The following FAM111A variants were observed in gnomAD, a reference collection of about 807,000 sequenced individuals.
The protein encoded by FAM111A is FAM111 trypsin like peptidase A, also known as serine protease FAM111A.
Under a neutral mutation model 3.3 loss-of-function variants are expected in FAM111A, and 8 were observed. The ratio of observed to expected loss-of-function variants is 2.39; its 90% confidence interval spans 1.40 to 4.32. FAM111A has a LOEUF of 4.32. Among genes scored for constraint, FAM111A ranks in the 30% most tolerant of loss-of-function variants. The pLI, the probability that FAM111A is intolerant of heterozygous loss-of-function variation, is 0.00. For missense variants in FAM111A, 683 were observed against 727.6 expected (o/e 0.94, Z 0.71); for synonymous variants, 227 against 243.1 (o/e 0.93, Z 0.62).
Position 59,152,821 on chromosome 11 carries a change from CA to C in FAM111A, c.1154del (p.His385LeufsTer2), listed in dbSNP as rs775942460. ...AGGATTGTTCATTTTAACTTGTCGG[CA>C]TGTAATAGATAGCATTGTGGGAGAC... is the stretch of plus-strand genomic sequence containing the variant. ...FKGLFILTCR[H>X]VIDSIVGDGI... On this transcript the variant is annotated frameshift_variant, in exon 6 of 6. Transcript: ENST00000675163. LOFTEE classifies it low-confidence loss of function (END_TRUNC). 3.1e-6 allele frequency: 5 copies of C among 1,613,982 alleles called. No homozygotes were observed. In the Admixed American group the frequency reaches 8.3e-5, roughly 27 times the overall value.
In FAM111A at chr11:59,153,738, G is replaced by A; in HGVS notation, c.*234G>A. On this transcript the variant is annotated 3_prime_UTR_variant, in exon 6 of 6. Transcript: ENST00000675163. ...TTTTTTTGAGACTGAGTCTCACTCT[G>A]TCGCCTGGGCTGGAGTACAGTGGTG... 1 of 345,420 alleles carries A rather than the reference G, an allele frequency of 2.9e-6. No individual in the cohort carries two copies. The highest frequency in any genetic ancestry group is 5.2e-6 in the Non-Finnish European group (1 of 193,550). 21.4% of individuals were successfully genotyped at this position (345,420 alleles called of 1,614,324 possible).
chr11:59,153,337 G>A lies in FAM111A; in HGVS notation c.1669G>A (p.Ala557Thr). ...DSKGSLVAMH[A>T]AGFAYTYQNE... ...AAAAGGTTCATTGGTGGCCATGCAT[G>A]CTGCTGGCTTTGCTTATACTTACCA... is the stretch of plus-strand genomic sequence containing the variant. The change falls in exon 6 of 6, where the codon GCT (alanine) becomes ACT (threonine). Residue 557 changes from alanine (A) to threonine (T), a missense_variant. Around this residue, in one of 3 missense-constraint regions of FAM111A, gnomAD observed 122 missense variants for 110.9 expected, o/e 1.10. Transcript: ENST00000675163. 6.2e-7 allele frequency: 1 copy of A among 1,614,164 alleles called. No individual in the cohort carries two copies.
chr11:59,151,896 G>A lies in FAM111A; in HGVS notation c.228G>A (p.Arg76=), dbSNP rs150476285. The change falls in exon 6 of 6, where the codon AGG becomes AGA. Residue 76 remains arginine (R), a synonymous_variant. Transcript: ENST00000675163. The part of the protein sequence containing the change: ...NPEDQTMPQN[R]TIYVTLKVNH... ...AAGACCAGACCATGCCCCAAAATAG[G>A]ACAATATATGTTACCTTGAAGGTAA... 41 of 1,613,970 alleles carry A rather than the reference G, an allele frequency of 2.5e-5. No individual in the cohort carries two copies. Among genetic ancestry groups the A allele is most frequent in the Non-Finnish European group, 2.9e-5 (34 of 1,180,030 alleles).
chr11:59,153,260 C>T lies in FAM111A; in HGVS notation c.1592C>T (p.Thr531Ile), dbSNP rs1434152011. The T allele has an allele frequency of 2.5e-6, 4 of 1,614,130 alleles. No individual in the cohort carries two copies. Among genetic ancestry groups the T allele is most frequent in the Admixed American group, 3.3e-5 (2 of 60,022 alleles). The change falls in exon 6 of 6, where the codon ACC becomes ATC. Residue 531 changes from threonine (T) to isoleucine (I), a missense_variant. Thr to Ile is a moderately conservative substitution (Grantham distance 89). Around this residue, in one of 3 missense-constraint regions of FAM111A, gnomAD observed 122 missense variants for 110.9 expected, o/e 1.10. Transcript: ENST00000675163. ...QKIVHNPDVI[T>I]YDTEFFFGAS... is the part of the protein sequence containing the mutation. The stretch of plus-strand genomic sequence containing the variant: ...ATAGTTCACAACCCTGATGTGATTA[C>T]CTATGACACTGAATTTTTCTTTGGG...
intron 3 of FAM111A, chr11:59,144,945 GGCGCGGCCGCGGCGGGCTC>G (rs1860636550): frequency 6.6e-6 from 1 of 152,668 alleles, no homozygotes; most frequent in South Asian, 2.1e-4. Context: ...CGCGGTCACG[GGCGCGGCCGCGGCGGGCTC>G]GAGTCCCGGC....
rs1448617903 is a variant in FAM111A, at chr11:59,152,309, A to G, written c.641A>G (p.Tyr214Cys). Residue 214 changes from tyrosine to cysteine, a missense_variant, in exon 6 of 6, where the codon TAT (tyrosine) becomes TGT (cysteine). Transcript: ENST00000675163. ...AAAAAGGGGCGCAAACTCTGTGTTTATGCTTTCAAAGGAGAAACCATCAAG... is the reference window on the plus strand; with the variant it reads ...AAAAAGGGGCGCAAACTCTGTGTTTGTGCTTTCAAAGGAGAAACCATCAAG... ...LHKKGRKLCV[Y>C]AFKGETIKDA... The G allele has an allele frequency of 2.5e-6, 4 of 1,614,114 alleles. No homozygotes were observed. The highest frequency in any genetic ancestry group is 4.5e-5 in the East Asian group (2 of 44,900).
Position 59,151,793 on chromosome 11 carries a change from G to T in FAM111A, c.125G>T (p.Arg42Met), listed in dbSNP as rs781769636. The T allele has an allele frequency of 1.2e-6, 2 of 1,608,400 alleles. No individual in the cohort carries two copies. The highest frequency in any genetic ancestry group is 3.4e-5 in the Admixed American group (2 of 58,428). ...QQNNCSTSLM[R>M]MESRGDPRAT... ...AATAATTGCAGTACTTCTCTAATGA[G>T]GATGGAGTCTAGAGGAGACCCAAGA... Residue 42 changes from arginine (R) to methionine (M), a missense_variant, in exon 6 of 6, where the codon AGG (arginine) becomes ATG (methionine). This residue lies in a region of FAM111A where 557 missense variants were observed against 600.2 expected (regional missense o/e 0.93). Transcript: ENST00000675163.
At chr11:59,143,047 T>G (rs1295156887) in intron 1 of FAM111A, 36 bp from the exon 2 acceptor site, 1 of 152,294 alleles carries the variant, frequency 6.6e-6, no homozygotes, top group African/African-American at 2.4e-5. Context: ...CCCCTCGGCC[T>G]TGCCTTTCCA....
intron 4 of FAM111A, 107 bp downstream of exon 4, chr11:59,145,963 C>CTA (rs1444173015): frequency 3.9e-4 from 57 of 146,258 alleles, no homozygotes; most frequent in African/African-American, 1.3e-3. Context: ...TATGCTCTCT[C>CTA]TCTCTCTCTA....
intron 5 of FAM111A, among the ~76,000 whole-genome samples, chr11:59,151,263 G>A (rs183156598): frequency 2.5e-3 from 384 of 152,158 alleles, no homozygotes; most frequent in African/African-American, 8.9e-3. Flanking sequence ...CATTTCTCCA[G>A]CCTCAGCCTC....
chr11:59,152,180 T>G lies in FAM111A; in HGVS notation c.512T>G (p.Phe171Cys). 3 of 1,614,044 alleles carry G rather than the reference T, an allele frequency of 1.9e-6. No individual in the cohort carries two copies. The East Asian group carries it at 6.7e-5, about 36-fold the overall frequency. Reference protein sequence around the residue: ...KSKQKEDNHIFGRQDKASTEC... With the variant: ...KSKQKEDNHICGRQDKASTEC... ...AAGCAGAAGGAAGATAACCACATAT[T>G]TGGCAGGCAGGACAAAGCATCGACT... The change falls in exon 6 of 6, where the codon TTT (phenylalanine) becomes TGT (cysteine). Residue 171 changes from phenylalanine (F) to cysteine (C), a missense_variant. Coordinates refer to ENST00000675163, the MANE Select transcript of FAM111A (RefSeq NM_001312909.2).
rs369758756 is a variant in FAM111A at position 59,152,557 on chromosome 11, G to T, written c.889G>T (p.Val297Leu). Reference sequence around the variant, plus strand: ...CACCTGTGTGTTGAGAGAACAAATCGTGGCTCAGTACCCCAGTTTGAAAAG... The same window carrying T: ...CACCTGTGTGTTGAGAGAACAAATCTTGGCTCAGTACCCCAGTTTGAAAAG... ...RNTCVLREQI[V>L]AQYPSLKRES... The change falls in exon 6 of 6, where the codon GTG (valine) becomes TTG (leucine). Residue 297 changes from valine (V) to leucine (L), a missense_variant. This residue lies in a region of FAM111A where 557 missense variants were observed against 600.2 expected (regional missense o/e 0.93). Coordinates refer to ENST00000675163, the MANE Select transcript of FAM111A (RefSeq NM_001312909.2). 1.9e-6 allele frequency: 3 copies of T among 1,614,006 alleles called. No individual in the cohort carries two copies. The African/African-American group carries it at 4.0e-5, about 22-fold the overall frequency.
chr11:59,149,194 G>T, intron 5 of FAM111A: 2 of 386,570 alleles, frequency 5.2e-6, no homozygotes, highest in African/African-American at 2.1e-5. Context: ...TATTGCTTAG[G>T]GAATAATGAC....
chr11:59,153,158 G>A lies in FAM111A; in HGVS notation c.1490G>A (p.Cys497Tyr). ...VIPQGQRAKKCQERVQSKKAE... is the reference protein window; with the variant it reads ...VIPQGQRAKKYQERVQSKKAE... ...CCTCAGGGTCAGCGAGCAAAGAAAT[G>A]TCAGGAACGTGTTCAGTCTAAAAAA... The change falls in exon 6 of 6, where the codon TGT becomes TAT. Residue 497 changes from cysteine to tyrosine, a missense_variant. Cys to Tyr is a radical substitution (Grantham distance 194). Around this residue, in one of 3 missense-constraint regions of FAM111A, gnomAD observed 557 missense variants for 600.2 expected, o/e 0.93. Transcript: ENST00000675163. 1 of 1,614,192 alleles carries A rather than the reference G, an allele frequency of 6.2e-7. No homozygotes were observed. Among genetic ancestry groups the A allele is most frequent in the Non-Finnish European group, 8.5e-7 (1 of 1,180,038 alleles).
chr11:59,150,314 A>C (rs1456742735), intron 5 of FAM111A, among the ~76,000 whole-genome samples: 1 of 152,120 alleles, frequency 6.6e-6, no homozygotes, highest in Non-Finnish European at 1.5e-5. Context: ...TTTATTTTTG[A>C]TCTGGAATAT....
chr11:59,151,629 C>T (rs1001152442), intron 5 of FAM111A, 121 bp from the exon 6 acceptor site: 1 of 716,532 alleles, frequency 1.4e-6, no homozygotes, highest in East Asian at 2.5e-5. Flanking sequence ...ATATTATTCA[C>T]TGGCCCTTTT....
Position 59,142,883 on chromosome 11 carries a change from T to TGCTCTC in FAM111A, c.-588_-587insCTCGCT, listed in dbSNP as rs1028681993. ...CAGGCCAGCCTACCGGCGACTAGGA[T>TGCTCTC]GCTTTCGCTTTCGCTCTCGCTTTCC... On this transcript the variant is annotated 5_prime_UTR_variant, in exon 1 of 6. Coordinates refer to ENST00000675163, the MANE Select transcript of FAM111A (RefSeq NM_001312909.2). 4.0e-5 allele frequency: 6 copies of TGCTCTC among 150,890 alleles called. No homozygotes were observed. The highest frequency in any genetic ancestry group is 1.2e-4 in the African/African-American group (5 of 40,270). The allele number at this position is 150,890 out of a possible 1,614,324, so 9.3% of individuals were successfully genotyped here. A position where few individuals can be genotyped will look rare whatever the true frequency, so the allele number is the denominator to read the frequency against.
chr11:59,153,106 A>C lies in FAM111A; in HGVS notation c.1438A>C (p.Lys480Gln), dbSNP rs1018329469. The C allele has an allele frequency of 1.2e-6, 2 of 1,614,212 alleles. No homozygotes were observed. Among genetic ancestry groups the C allele is most frequent in the East Asian group, 2.2e-5 (1 of 44,890 alleles). ...TATTGGCCATCCATATGGAGAAAAA[A>C]AGCAGATTGATGCTTGTGCTGTGAT... is the stretch of plus-strand genomic sequence containing the variant. ...HIIGHPYGEK[K>Q]QIDACAVIPQ... The change falls in exon 6 of 6, where the codon AAG (lysine) becomes CAG (glutamine). Residue 480 changes from lysine (K) to glutamine (Q), a missense_variant. Coordinates refer to ENST00000675163, the MANE Select transcript of FAM111A (RefSeq NM_001312909.2).
intron 4 of FAM111A, among the ~76,000 whole-genome samples, chr11:59,148,052 A>G (rs1441756721): frequency 6.6e-6 from 1 of 152,244 alleles, no homozygotes; most frequent in Admixed American, 6.5e-5. Context: ...TTGTTTTGAA[A>G]TATTGAGGTA....
Sources: gnomAD v4.1 joint callset for allele counts (sites outside exome capture counted in the v4.1 genomes callset) on GRCh38, gnomAD v4.1.1 for gene constraint, gnomAD v4.1.1 regional missense constraint, MANE v1.5 for transcripts, NCBI Gene and HGNC (gene_info 2026-07-23, HGNC 2026-07-21) for gene names.